Variants in NKAIN2 observed in about 807,000 individuals in gnomAD.
NKAIN2 encodes the protein sodium/potassium transporting ATPase interacting 2.
In NKAIN2, 14 loss-of-function variants were observed where a neutral mutation model predicts 32.6. The observed-to-expected ratio is 0.43, with a 90% confidence interval of 0.28 to 0.67. The LOEUF (loss-of-function observed/expected upper bound fraction) is 0.67. NKAIN2 is among the 30% of genes least tolerant of loss of function. The pLI, the probability that NKAIN2 is intolerant of heterozygous loss-of-function variation, is 0.17. For missense variants in NKAIN2, 198 were observed against 258.3 expected, an observed-to-expected ratio of 0.77 and a Z score of 1.60; for synonymous variants, 80 against 87.2, an observed-to-expected ratio of 0.92 and a Z score of 0.46.
At chr6:123,967,770 T>G (rs1417776843) in intron 1 of NKAIN2, among the ~76,000 whole-genome samples, 1 of 152,200 alleles carries the variant, frequency 6.6e-6, no homozygotes, top group Non-Finnish European at 1.5e-5. Flanking sequence ...TTCTTACACT[T>G]TCTCCTTTTA....
intron 1 of NKAIN2, among the ~76,000 whole-genome samples, chr6:124,275,997 C>T (rs987561734): frequency 6.6e-6 from 1 of 152,032 alleles, no homozygotes; most frequent in Non-Finnish European, 1.5e-5. Context: ...CCTGTAGTCA[C>T]ATAGTGGTTA....
chr6:124,486,052 C>A (rs1249719108), intron 3 of NKAIN2, among the ~76,000 whole-genome samples: 1 of 152,196 alleles, frequency 6.6e-6, no homozygotes, highest in Non-Finnish European at 1.5e-5. Flanking sequence ...TTTCAATTTG[C>A]ATTATTGATG....
intron 3 of NKAIN2, among the ~76,000 whole-genome samples, chr6:124,418,401 A>T (rs1235197537): frequency 2.0e-5 from 3 of 151,458 alleles, no homozygotes; most frequent in African/African-American, 7.3e-5. Flanking sequence ...TTGGACTCTG[A>T]AGATTACGGA....
intron 1 of NKAIN2, among the ~76,000 whole-genome samples, chr6:123,811,422 T>TG (rs1174453175): frequency 0.016 from 54 of 3,374 alleles, no homozygotes; most frequent in South Asian, 0.15. Flanking sequence ...GTGGGGGTTG[T>TG]GGGGGGGTGG....
intron 3 of NKAIN2, among the ~76,000 whole-genome samples, chr6:124,597,605 A>G (rs1782142958): frequency 1.3e-5 from 2 of 152,146 alleles, no homozygotes. Context: ...AATAGCAACC[A>G]GTAAAACATG....
intron 1 of NKAIN2, among the ~76,000 whole-genome samples, chr6:124,202,776 A>G (rs892894519): frequency 6.6e-6 from 1 of 151,884 alleles, no homozygotes; most frequent in Non-Finnish European, 1.5e-5. Flanking sequence ...GATGTGCTAC[A>G]AGTAATAGCT....
At chr6:124,819,199 T>G (rs956142327) in intron 6 of NKAIN2, 7 of 619,908 alleles carry the variant, frequency 1.1e-5, no homozygotes, top group Non-Finnish European at 1.4e-5. Context: ...CATTTTAAAA[T>G]GTGAACTTCT....
At chr6:124,614,302 G>A (rs1010140194) in intron 3 of NKAIN2, among the ~76,000 whole-genome samples, 1 of 152,148 alleles carries the variant, frequency 6.6e-6, no homozygotes, top group Non-Finnish European at 1.5e-5. Context: ...GCTGAGGCAC[G>A]AGAATTGCTT....
At chr6:124,311,614 C>T (rs761661857) in intron 2 of NKAIN2, among the ~76,000 whole-genome samples, 10 of 152,084 alleles carry the variant, frequency 6.6e-5, no homozygotes, top group Admixed American at 1.3e-4. Flanking sequence ...GGAAGCAAAA[C>T]GCAAATAGGG....
At chr6:123,901,271 C>G (rs1291324417) in intron 1 of NKAIN2, among the ~76,000 whole-genome samples, 1 of 152,022 alleles carries the variant, frequency 6.6e-6, no homozygotes, top group African/African-American at 2.4e-5. Context: ...TGAAGTAGCA[C>G]TGTTTCTGTT....
chr6:124,234,290 A>G (rs536869580), intron 1 of NKAIN2, among the ~76,000 whole-genome samples: 57 of 152,240 alleles, frequency 3.7e-4, no homozygotes, highest in African/African-American at 1.3e-3. Flanking sequence ...TTTCACAGTC[A>G]TTTCCAGGAA....
chr6:123,822,130 G>A (rs761728584), intron 1 of NKAIN2, among the ~76,000 whole-genome samples: 24 of 151,924 alleles, frequency 1.6e-4, no homozygotes, highest in Admixed American at 6.6e-4. Context: ...TTGTTGTCAC[G>A]TTTAATGAGA....
intron 1 of NKAIN2, among the ~76,000 whole-genome samples, chr6:124,000,162 T>TGATG (rs1056056751): frequency 2.6e-5 from 4 of 152,084 alleles, no homozygotes; most frequent in Non-Finnish European, 5.9e-5. Context: ...AAGTGGCAAC[T>TGATG]GATGGTTTGG....
chr6:124,028,813 G>A (rs1023059045), intron 1 of NKAIN2, among the ~76,000 whole-genome samples: 95 of 141,122 alleles, frequency 6.7e-4, no homozygotes, highest in African/African-American at 2.3e-3. Flanking sequence ...GTATATATAC[G>A]TATATGTGTA....
intron 4 of NKAIN2, among the ~76,000 whole-genome samples, chr6:124,663,326 G>A (rs1025668969): frequency 3.3e-5 from 5 of 151,948 alleles, no homozygotes; most frequent in Non-Finnish European, 4.4e-5. Flanking sequence ...CGCTACTCAG[G>A]AGGCTAAGGC....
chr6:124,766,500 G>C (rs1251445575), intron 4 of NKAIN2, among the ~76,000 whole-genome samples: 1 of 152,098 alleles, frequency 6.6e-6, no homozygotes, highest in Non-Finnish European at 1.5e-5. Context: ...GTTGTATTTT[G>C]TGTAAAACCT....
intron 1 of NKAIN2, among the ~76,000 whole-genome samples, chr6:124,110,028 A>G (rs1040844107): frequency 6.6e-6 from 1 of 151,484 alleles, no homozygotes; most frequent in Non-Finnish European, 1.5e-5. Context: ...TTTTGCATCT[A>G]TATCCATCAT....
rs141903613 is a variant in NKAIN2 at position 123,940,404 on chromosome 6, A to C, written c.54+136150A>C. 4.3e-4 allele frequency among the ~76,000 whole-genome samples: 65 copies of C among 151,734 alleles called. 1 individual carries two copies. The highest frequency in any genetic ancestry group is 1.5e-3 in the African/African-American group (62 of 41,328). ...TAGATACACACACACACACACAGTCATGCATCATTTAATGACAGGGATTGA... is the reference window on the plus strand; with the variant it reads ...TAGATACACACACACACACACAGTCCTGCATCATTTAATGACAGGGATTGA... On this transcript the variant is annotated intron_variant, in intron 1 of 6. Coordinates refer to ENST00000368417, the MANE Select transcript of NKAIN2 (RefSeq NM_001040214.3).
At chr6:124,041,174 TA>T (rs1336917263) in intron 1 of NKAIN2, among the ~76,000 whole-genome samples, 2 of 152,030 alleles carry the variant, frequency 1.3e-5, no homozygotes, top group African/African-American at 4.8e-5. Flanking sequence ...TTGCAATATC[TA>T]TTGAGCTTTC....
Sources: gnomAD v4.1 joint callset for allele counts (sites outside exome capture counted in the v4.1 genomes callset) on GRCh38, gnomAD v4.1.1 for gene constraint, MANE v1.5 for transcripts, NCBI Gene and HGNC (gene_info 2026-07-23, HGNC 2026-07-21) for gene names.